Variants in CDC123 observed in about 807,000 individuals in gnomAD.
The protein encoded by CDC123 is cell division cycle 123.
Under a neutral mutation model 54.4 loss-of-function variants are expected in CDC123, and 37 were observed. That is an observed-to-expected ratio of 0.68 (90% CI 0.52 to 0.89). The LOEUF is 0.89. Among genes scored for constraint, CDC123 ranks in the 40% least tolerant of loss-of-function variants. The pLI, the probability that CDC123 is intolerant of heterozygous loss-of-function variation, is 0.00. For missense variants in CDC123, 361 were observed against 412.1 expected, an observed-to-expected ratio of 0.88 and a Z score of 1.07; for synonymous variants, 144 against 136.8, an observed-to-expected ratio of 1.05 and a Z score of -0.37.
chr10:12,230,191 T>G (rs1468125359), intron 6 of CDC123, among the ~76,000 whole-genome samples: 1 of 151,882 alleles, frequency 6.6e-6, no homozygotes, highest in Non-Finnish European at 1.5e-5. Context: ...GTTTTTTTTG[T>G]TTTTTGGGTT....
intron 1 of CDC123, among the ~76,000 whole-genome samples, chr10:12,198,051 A>G (rs1007501901): frequency 6.6e-6 from 1 of 152,194 alleles, no homozygotes; most frequent in African/African-American, 2.4e-5. Flanking sequence ...TTGATAATTT[A>G]TTATTTCAAG....
intron 11 of CDC123, among the ~76,000 whole-genome samples, chr10:12,248,677 A>G (rs2131774583): frequency 6.6e-6 from 1 of 152,044 alleles, no homozygotes; most frequent in Admixed American, 6.6e-5. Flanking sequence ...ATGGTGGTGC[A>G]TGCCTGTAAT....
At position 12,196,209 on chromosome 10, in the gene CDC123, C is replaced by G; in HGVS notation, c.-37C>G. On this transcript the variant is annotated 5_prime_UTR_variant, in exon 1 of 13. Transcript: ENST00000281141. ...GCCCAGAGTTCCGGGAGGGTGCAGG[C>G]AGGAGAGGGAAAGGCAGCAGCGGCG... is the stretch of plus-strand genomic sequence containing the variant. 2 of 1,613,488 alleles carry G rather than the reference C, an allele frequency of 1.2e-6. No homozygotes were observed. The highest frequency in any genetic ancestry group is 1.7e-6 in the Non-Finnish European group (2 of 1,179,888).
intron 4 of CDC123, among the ~76,000 whole-genome samples, chr10:12,211,235 C>T (rs548086353): frequency 1.8e-5 from 1 of 56,516 alleles, no homozygotes; most frequent in African/African-American, 6.7e-5. Flanking sequence ...TGAAACTCCT[C>T]ATACCTTGAG....
chr10:12,219,529 G>T (rs1835705856), intron 6 of CDC123, among the ~76,000 whole-genome samples: 1 of 152,120 alleles, frequency 6.6e-6, no homozygotes, highest in Non-Finnish European at 1.5e-5. Context: ...GCCTGTTTTA[G>T]TAACCAGTAG....
chr10:12,213,687 A>G (rs558117042), intron 4 of CDC123, among the ~76,000 whole-genome samples: 1 of 151,964 alleles, frequency 6.6e-6, no homozygotes, highest in African/African-American at 2.4e-5. Flanking sequence ...TAAAATCATG[A>G]CTCATATAAA....
chr10:12,198,613 G>A (rs1481953800), intron 1 of CDC123, 92 bp from the exon 2 acceptor site: 6 of 745,404 alleles, frequency 8.0e-6, no homozygotes, highest in African/African-American at 7.2e-5. Context: ...TTAAAAGAAA[G>A]ACAATTCCAA....
At chr10:12,241,983 C>T (rs553057325) in intron 10 of CDC123, among the ~76,000 whole-genome samples, 27 of 152,288 alleles carry the variant, frequency 1.8e-4, no homozygotes, top group Non-Finnish European at 3.2e-4. Flanking sequence ...TTTCTGGCCC[C>T]GGGGGATTTC....
At chr10:12,246,301 C>A (rs1335634197) in intron 11 of CDC123, 24 bp downstream of exon 11, 15 of 1,612,532 alleles carry the variant, frequency 9.3e-6, no homozygotes, top group African/African-American at 1.3e-5. Flanking sequence ...AAGACAGATA[C>A]AATGTAAACC....
intron 2 of CDC123, among the ~76,000 whole-genome samples, chr10:12,205,461 G>C (rs554750885): frequency 1.3e-4 from 20 of 152,208 alleles, no homozygotes; most frequent in African/African-American, 4.6e-4. Context: ...AAACACTTTT[G>C]ACCCCAAGCA....
intron 6 of CDC123, among the ~76,000 whole-genome samples, chr10:12,221,329 C>T (rs530360397): frequency 2.6e-5 from 4 of 152,200 alleles, no homozygotes; most frequent in Admixed American, 6.5e-5. Context: ...CTTAGTGGCT[C>T]GGTCTTTGGG....
intron 8 of CDC123, 23 bp from the exon 9 acceptor site, chr10:12,237,121 G>T: frequency 6.6e-7 from 1 of 1,512,186 alleles, no homozygotes; most frequent in Non-Finnish European, 8.8e-7. Flanking sequence ...ATAATAACAG[G>T]ATGTAAAATA....
chr10:12,245,429 T>C (rs939468928), intron 10 of CDC123: 1 of 152,232 alleles, frequency 6.6e-6, no homozygotes, highest in Non-Finnish European at 1.5e-5. Context: ...CTAATTTTTA[T>C]ATTTTTTTGT....
At chr10:12,221,586 A>T (rs901664503) in intron 6 of CDC123, among the ~76,000 whole-genome samples, 10 of 152,150 alleles carry the variant, frequency 6.6e-5, no homozygotes, top group Admixed American at 2.0e-4. Context: ...CGTTTAGATC[A>T]AGCTTGTCCA....
In CDC123 at chr10:12,250,525, A is replaced by C. The variant is rs777119731; in HGVS notation, c.*188A>C. 1 of 669,812 alleles carries C rather than the reference A, an allele frequency of 1.5e-6. No individual in the cohort carries two copies. The highest frequency in any genetic ancestry group is 1.7e-5 in the South Asian group (1 of 60,580). The allele number at this position is 669,812 out of a possible 1,614,324, so 41.5% of individuals were successfully genotyped here. ...ACTTTGCTACTTGTAAAAATAACAT[A>C]ATAAATAGATCTTAAACATAGGAAA... is the stretch of plus-strand genomic sequence containing the variant. On this transcript the variant is annotated 3_prime_UTR_variant, in exon 13 of 13. Transcript: ENST00000281141.
intron 11 of CDC123, among the ~76,000 whole-genome samples, chr10:12,249,379 A>G (rs1201424675): frequency 2.0e-5 from 3 of 152,212 alleles, no homozygotes; most frequent in Non-Finnish European, 4.4e-5. Context: ...TCGAGGCTGC[A>G]GTGAGCCACT....
At chr10:12,217,837 C>T (rs1835681911) in intron 6 of CDC123, among the ~76,000 whole-genome samples, 1 of 151,978 alleles carries the variant, frequency 6.6e-6, no homozygotes, top group Non-Finnish European at 1.5e-5. Context: ...CTGGGATTCC[C>T]AGCACTTTGG....
Position 12,206,755 on chromosome 10 carries a change from G to A in CDC123, c.147-3212G>A, listed in dbSNP as rs576429453. On this transcript the variant is annotated intron_variant, in intron 2 of 12. Coordinates refer to ENST00000281141, the MANE Select transcript of CDC123 (RefSeq NM_006023.3). ...GGGCGGATCACAAGGTCAGGAGATC[G>A]AGACCATCCTGGCCAACACGGTGAA... Among the ~76,000 whole-genome samples, 429 of 152,164 alleles carry A rather than the reference G, an allele frequency of 2.8e-3. 1 individual carries two copies. Among genetic ancestry groups the A allele is most frequent in the Non-Finnish European group, 5.0e-3 (343 of 67,990 alleles).
At position 12,215,281 on chromosome 10, in the gene CDC123, C is replaced by T. The variant is rs548521896; in HGVS notation, c.238-459C>T. On this transcript the variant is annotated intron_variant, in intron 4 of 12. Coordinates refer to ENST00000281141, the MANE Select transcript of CDC123 (RefSeq NM_006023.3). The stretch of plus-strand genomic sequence containing the variant: ...CACATCATTTATTTTTCATTCTCTC[C>T]GTGGCTTTGGGGAATACCATATGGC... Among the ~76,000 whole-genome samples the T allele has an allele frequency of 3.9e-5, 6 of 152,246 alleles. No homozygotes were observed. In the South Asian group the frequency reaches 6.2e-4, roughly 16 times the overall value.
Sources: allele counts gnomAD v4.1 joint callset (sites outside exome capture counted in the v4.1 genomes callset), GRCh38; gene constraint gnomAD v4.1.1; transcripts MANE v1.5; gene names NCBI Gene and HGNC (gene_info 2026-07-23, HGNC 2026-07-21).